Variants in PTPRR observed in about 807,000 individuals in gnomAD.
PTPRR encodes protein tyrosine phosphatase receptor type R.
PTPRR carries 38 observed loss-of-function variants against 77.2 expected under a neutral mutation model. The observed-to-expected ratio is 0.49, with a 90% CI of 0.38 to 0.65. PTPRR has a LOEUF of 0.65. Among genes scored for constraint, PTPRR ranks in the 30% least tolerant of loss-of-function variants. PTPRR has a pLI of 0.00. For missense variants in PTPRR, 744 were observed against 799.2 expected (o/e 0.93, Z 0.83); for synonymous variants, 299 against 283.1 (o/e 1.06, Z -0.57).
At chr12:70,665,661 C>T (rs540374593) in intron 10 of PTPRR, among the ~76,000 whole-genome samples, 12 of 151,682 alleles carry the variant, frequency 7.9e-5, no homozygotes, top group Middle Eastern at 3.4e-3. Flanking sequence ...GGATTATAGG[C>T]GTGAGCCACT....
At chr12:70,825,169 T>C (rs1052547058) in intron 2 of PTPRR, among the ~76,000 whole-genome samples, 10 of 151,934 alleles carry the variant, frequency 6.6e-5, no homozygotes, top group African/African-American at 2.2e-4. Context: ...TCCCAACTAC[T>C]CGGGAGGCTG....
intron 1 of PTPRR, among the ~76,000 whole-genome samples, chr12:70,919,673 GTTTTTTTTTTTTTTTTTTT>G (rs58439089): frequency 0.024 from 2,669 of 110,132 alleles, 69 homozygotes; most frequent in Non-Finnish European, 0.035. Context: ...AACTGTAATT[GTTTTTTTTTTTTTTTTTTT>G]TTTTTTTTTT....
At chr12:70,898,090 C>A (rs1346906913) in intron 1 of PTPRR, among the ~76,000 whole-genome samples, 2 of 151,754 alleles carry the variant, frequency 1.3e-5, no homozygotes, top group Non-Finnish European at 2.9e-5. Context: ...CAACATGGCA[C>A]ATGTATATGT....
chr12:70,899,393 C>G (rs1163342619), intron 1 of PTPRR, among the ~76,000 whole-genome samples: 1 of 151,344 alleles, frequency 6.6e-6, no homozygotes, highest in Non-Finnish European at 1.5e-5. Flanking sequence ...GCTGATTTTC[C>G]TGGGAATGTA....
chr12:70,822,154 A>C (rs1179387463), intron 2 of PTPRR, among the ~76,000 whole-genome samples: 2 of 152,240 alleles, frequency 1.3e-5, no homozygotes, highest in Non-Finnish European at 2.9e-5. Flanking sequence ...GAAAATGCAA[A>C]GGAAAGGCTG....
chr12:70,813,090 G>A (rs1389317526), intron 2 of PTPRR, among the ~76,000 whole-genome samples: 2 of 152,188 alleles, frequency 1.3e-5, no homozygotes, highest in African/African-American at 4.8e-5. Context: ...ACTCTCTCTT[G>A]TATAATATGT....
At chr12:70,663,483 T>C (rs1886869884) in intron 10 of PTPRR, among the ~76,000 whole-genome samples, 1 of 152,230 alleles carries the variant, frequency 6.6e-6, no homozygotes, top group Admixed American at 6.5e-5. Context: ...ATTATTGCTG[T>C]TGTTATTTTA....
intron 6 of PTPRR, among the ~76,000 whole-genome samples, chr12:70,738,873 A>G (rs1225764336): frequency 1.3e-5 from 2 of 152,238 alleles, no homozygotes; most frequent in African/African-American, 4.8e-5. Flanking sequence ...ATGCTCCTCA[A>G]TACAGGTGAA....
intron 2 of PTPRR, among the ~76,000 whole-genome samples, chr12:70,846,324 A>G (rs907629135): frequency 2.0e-5 from 3 of 152,198 alleles, no homozygotes; most frequent in Non-Finnish European, 4.4e-5. Flanking sequence ...ACCTGTAAAA[A>G]TGTGGCTTAT....
At chr12:70,868,071 A>G (rs1892888685) in intron 2 of PTPRR, among the ~76,000 whole-genome samples, 1 of 152,184 alleles carries the variant, frequency 6.6e-6, no homozygotes, top group Non-Finnish European at 1.5e-5. Flanking sequence ...TTAGACCTAA[A>G]ACCATAAAAA....
rs368405714 is a variant in PTPRR, at chr12:70,735,486, C to T, written c.1007+10332G>A. Among the ~76,000 whole-genome samples, 90 of 152,220 alleles carry T rather than the reference C, an allele frequency of 5.9e-4. 1 individual carries two copies. In the Middle Eastern group the frequency reaches 0.014, roughly 23 times the overall value. On this transcript the variant is annotated intron_variant, in intron 6 of 13. Transcript: ENST00000283228. ...TATCATGAGAACAGCATGGGAAAAA[C>T]CTGCCCCCATGATTCAGTTACCTCC...
rs61539990 is a variant in PTPRR, at chr12:70,821,213, C to CTTTTTTTTTTTTTTTTTTTTTT, written c.358-56457_358-56436dup. 5.0e-3 allele frequency among the ~76,000 whole-genome samples: 161 copies of CTTTTTTTTTTTTTTTTTTTTTT among 31,986 alleles called. 41 individuals carry two copies. The highest frequency in any genetic ancestry group is 0.014 in the East Asian group (6 of 438). The allele number at this position is 31,986 out of a possible 152,430, so 21.0% of individuals were successfully genotyped here. A position where few individuals can be genotyped will look rare whatever the true frequency, so the allele number is the denominator to read the frequency against. ...CAAAACATGTTGAAAGGGATCACTG[C>CTTTTTTTTTTTTTTTTTTTTTT]TTTTTTTTTTTTTTTTTTTTTTTTT... On this transcript the variant is annotated intron_variant, in intron 2 of 13. Transcript: ENST00000283228.
chr12:70,689,336 C>A (rs1399541716), intron 8 of PTPRR, among the ~76,000 whole-genome samples: 1 of 151,618 alleles, frequency 6.6e-6, no homozygotes, highest in African/African-American at 2.4e-5. Context: ...TAAAATAAAA[C>A]CTAAAGAGTA....
At chr12:70,788,459 T>C (rs570232706) in intron 2 of PTPRR, among the ~76,000 whole-genome samples, 2 of 152,328 alleles carry the variant, frequency 1.3e-5, no homozygotes, top group South Asian at 2.1e-4. Flanking sequence ...GGAACCACAC[T>C]AAACAAAACA....
At chr12:70,650,963 G>T (rs1886372410) in intron 13 of PTPRR, among the ~76,000 whole-genome samples, 1 of 152,150 alleles carries the variant, frequency 6.6e-6, no homozygotes, top group Non-Finnish European at 1.5e-5. Context: ...TTAATGCTTT[G>T]CTGTCACTGT....
Position 70,732,886 on chromosome 12 carries a change from A to G in PTPRR, c.1007+12932T>C, listed in dbSNP as rs115669656. ...TCATCTATTTTTATTTTTTTAAAAC[A>G]TATTTCTTCCTATAAAATTAACTTG... On this transcript the variant is annotated intron_variant, in intron 6 of 13. Coordinates refer to ENST00000283228, the MANE Select transcript of PTPRR (RefSeq NM_002849.4). Among the ~76,000 whole-genome samples, 984 of 152,192 alleles carry G rather than the reference A, an allele frequency of 6.5e-3. 13 individuals carry two copies. Among genetic ancestry groups the G allele is most frequent in the African/African-American group, 0.022 (924 of 41,528 alleles).
intron 6 of PTPRR, among the ~76,000 whole-genome samples, chr12:70,744,244 G>T (rs1294630241): frequency 2.0e-5 from 3 of 152,178 alleles, no homozygotes; most frequent in African/African-American, 7.2e-5. Context: ...ACCCAGGAAC[G>T]GCAGGGCTGG....
At chr12:70,693,705 T>TAA (rs34029582) in intron 8 of PTPRR, among the ~76,000 whole-genome samples, 3 of 146,410 alleles carry the variant, frequency 2.0e-5, no homozygotes, top group African/African-American at 2.5e-5. Flanking sequence ...TAGCTTGTAC[T>TAA]AAAAAAAAAA....
At chr12:70,846,264 A>G (rs1892481435) in intron 2 of PTPRR, among the ~76,000 whole-genome samples, 1 of 152,158 alleles carries the variant, frequency 6.6e-6, no homozygotes, top group Non-Finnish European at 1.5e-5. Context: ...TTCAAAGACT[A>G]GATTATGAGA....
Sources: gnomAD v4.1 joint callset for allele counts (sites outside exome capture counted in the v4.1 genomes callset) on GRCh38, gnomAD v4.1.1 for gene constraint, MANE v1.5 for transcripts, NCBI Gene and HGNC (gene_info 2026-07-23, HGNC 2026-07-21) for gene names.